FMN1: variants seen among roughly 807,000 people sequenced by gnomAD.
FMN1 encodes formin 1, also known as formin-1.
A neutral mutation model predicts 132.4 loss-of-function variants in FMN1; 110 were observed. The observed-to-expected ratio is 0.83, with a 90% confidence interval of 0.71 to 0.97. The LOEUF is 0.97. Ranked by LOEUF, FMN1 falls within the 50% of genes least tolerant of loss-of-function variation. The pLI is 0.00. For missense variants in FMN1, 1,792 were observed against 1,705.3 expected, an observed-to-expected ratio of 1.05 and a Z score of -0.90; for synonymous variants, 722 against 651.7, an observed-to-expected ratio of 1.11 and a Z score of -1.64.
chr15:33,053,231 G>A (rs1001844820), intron 6 of FMN1, among the ~76,000 whole-genome samples: 6 of 152,124 alleles, frequency 3.9e-5, no homozygotes, highest in African/African-American at 7.2e-5. Context: ...CCATCCACCC[G>A]GCTGCAGACA....
intron 9 of FMN1, among the ~76,000 whole-genome samples, chr15:32,955,004 T>C (rs1388117763): frequency 6.6e-6 from 1 of 152,148 alleles, no homozygotes; most frequent in Non-Finnish European, 1.5e-5. Flanking sequence ...AAAAATAAGC[T>C]GTGGGGTTGT....
chr15:33,026,383 T>C (rs2035671408), intron 6 of FMN1, among the ~76,000 whole-genome samples: 1 of 135,484 alleles, frequency 7.4e-6, no homozygotes, highest in Non-Finnish European at 1.6e-5. Context: ...TCCTTCTTTA[T>C]AAACATTAGA....
chr15:32,834,365 T>C (rs1208434751), intron 17 of FMN1, among the ~76,000 whole-genome samples: 1 of 152,182 alleles, frequency 6.6e-6, no homozygotes, highest in Non-Finnish European at 1.5e-5. Flanking sequence ...GCTTCAGTAG[T>C]AGCAAATTGA....
intron 13 of FMN1, among the ~76,000 whole-genome samples, chr15:32,901,438 T>C (rs2060294154): frequency 1.3e-5 from 2 of 152,212 alleles, no homozygotes; most frequent in South Asian, 2.1e-4. Context: ...AACACCAGTG[T>C]AGTAAAGCCA....
At chr15:33,039,883 C>A (rs1869663) in intron 6 of FMN1, among the ~76,000 whole-genome samples, 1 of 152,182 alleles carries the variant, frequency 6.6e-6, no homozygotes, top group South Asian at 2.1e-4. Flanking sequence ...CCCAAACTGG[C>A]CTTCCTACTT....
chr15:33,068,048 A>G (rs994814115), intron 5 of FMN1: 1 of 1,431,220 alleles, frequency 7.0e-7, no homozygotes, highest in Non-Finnish European at 9.1e-7. Context: ...TTCGGGTCAC[A>G]GTGCCCTCCT....
At chr15:33,157,377 G>A (rs977644416) in intron 3 of FMN1, among the ~76,000 whole-genome samples, 2 of 151,914 alleles carry the variant, frequency 1.3e-5, no homozygotes, top group Non-Finnish European at 2.9e-5. Context: ...TGTATATACT[G>A]AGCACATATA....
chr15:33,008,622 T>C (rs1249077554), intron 6 of FMN1, among the ~76,000 whole-genome samples: 1 of 152,214 alleles, frequency 6.6e-6, no homozygotes, highest in African/African-American at 2.4e-5. Context: ...TAGGGTGAAC[T>C]GAGGCTGAAA....
At chr15:32,977,637 CATT>C (rs1301023846) in intron 7 of FMN1, among the ~76,000 whole-genome samples, 2 of 152,130 alleles carry the variant, frequency 1.3e-5, no homozygotes, top group Non-Finnish European at 2.9e-5. Context: ...AGTTCTAAAA[CATT>C]AGTAATTTCC....
At position 33,153,381 on chromosome 15, in the gene FMN1, T is replaced by C. The variant is rs1964529330; in HGVS notation, c.1534A>G (p.Ser512Gly). Residue 512 changes from serine (S) to glycine (G), a missense_variant, in exon 4 of 21, where the codon AGC (serine) becomes GGC (glycine). By Grantham distance (56) the Ser-to-Gly change is moderately conservative (BLOSUM62 0). Transcript: ENST00000616417. ...ACAGGTGACGTCTGTTTGTGTGTGCTGGACTGCGAGGCTGAATTATTAAAC... is the reference window on the plus strand; with the variant it reads ...ACAGGTGACGTCTGTTTGTGTGTGCCGGACTGCGAGGCTGAATTATTAAAC... ...KVFNNSASQS[S>G]THKQTSPVPS... 3.3e-6 allele frequency: 5 copies of C among 1,536,590 alleles called. No homozygotes were observed. The highest frequency in any genetic ancestry group is 4.4e-6 in the Non-Finnish European group (5 of 1,146,994).
At chr15:32,983,233 ACT>A (rs1428039619) in intron 7 of FMN1, among the ~76,000 whole-genome samples, 3 of 152,164 alleles carry the variant, frequency 2.0e-5, no homozygotes, top group Admixed American at 6.5e-5. Context: ...TCTCAAATGC[ACT>A]CTGTTAAGTG....
At chr15:32,948,966 T>C (rs565118392) in intron 9 of FMN1, among the ~76,000 whole-genome samples, 3 of 152,114 alleles carry the variant, frequency 2.0e-5, no homozygotes, top group Non-Finnish European at 4.4e-5. Context: ...TTTGATTTTT[T>C]TGTATTTTTC....
At chr15:33,184,999 G>T (rs1322792028) in intron 2 of FMN1, among the ~76,000 whole-genome samples, 1 of 152,160 alleles carries the variant, frequency 6.6e-6, no homozygotes, top group Admixed American at 6.5e-5. Flanking sequence ...CATGAAGAGA[G>T]ATTATGAAAA....
chr15:33,115,500 C>CACACACA (rs1001543357), intron 4 of FMN1, among the ~76,000 whole-genome samples: 1 of 147,792 alleles, frequency 6.8e-6, no homozygotes, highest in African/African-American at 2.5e-5. Context: ...AGCCCCCCCC[C>CACACACA]CCCACACACA....
At chr15:32,776,106 T>C (rs1286050581) in intron 20 of FMN1, among the ~76,000 whole-genome samples, 2 of 152,242 alleles carry the variant, frequency 1.3e-5, no homozygotes, top group African/African-American at 4.8e-5. Flanking sequence ...GTTCTTTTCA[T>C]GGAAGAGAAA....
At chr15:32,952,958 C>G (rs1191260261) in intron 9 of FMN1, among the ~76,000 whole-genome samples, 1 of 152,204 alleles carries the variant, frequency 6.6e-6, no homozygotes, top group Non-Finnish European at 1.5e-5. Flanking sequence ...CTTTTCCACC[C>G]TCTTCTTTCC....
intron 17 of FMN1, among the ~76,000 whole-genome samples, chr15:32,815,440 TATG>T (rs2058029092): frequency 6.6e-6 from 1 of 152,218 alleles, no homozygotes; most frequent in African/African-American, 2.4e-5. Flanking sequence ...GATGATTATC[TATG>T]ATATTTAGGG....
Position 32,876,155 on chromosome 15 carries a change from C to T in FMN1, c.3835+12017G>A, listed in dbSNP as rs886522234. 2.6e-5 allele frequency among the ~76,000 whole-genome samples: 4 copies of T among 152,304 alleles called. No homozygotes were observed. In the South Asian group the frequency reaches 8.3e-4, roughly 32 times the overall value. On this transcript the variant is annotated intron_variant, in intron 16 of 20. Transcript: ENST00000616417. Reference sequence around the variant, plus strand: ...CCTCATACTTGATTCAGTCTTCCAGCTATCGAGCAGAATCCTGATCAAAAG... The same window carrying T: ...CCTCATACTTGATTCAGTCTTCCAGTTATCGAGCAGAATCCTGATCAAAAG...
chr15:32,812,989 TG>T (rs931683969), intron 17 of FMN1, among the ~76,000 whole-genome samples: 1 of 93,316 alleles, frequency 1.1e-5, no homozygotes, highest in African/African-American at 2.8e-5. Context: ...TGAAAACATT[TG>T]GGGAAAAAAT....
Sources: gnomAD v4.1 joint callset for allele counts (sites outside exome capture counted in the v4.1 genomes callset) on GRCh38, gnomAD v4.1.1 for gene constraint, MANE v1.5 for transcripts, NCBI Gene and HGNC (gene_info 2026-07-23, HGNC 2026-07-21) for gene names.